TOP1: variants seen among roughly 807,000 people sequenced by gnomAD.
The protein encoded by TOP1 is DNA topoisomerase 1.
In TOP1, 10 loss-of-function variants were observed where a neutral mutation model predicts 111.1. That is an observed-to-expected ratio of 0.09 (90% CI 0.06 to 0.15). TOP1 has a LOEUF of 0.15. Among genes scored for constraint, TOP1 ranks in the 10% least tolerant of loss-of-function variants. TOP1 has a pLI of 1.00. For missense variants in TOP1, 474 were observed against 926.7 expected, an observed-to-expected ratio of 0.51 and a Z score of 6.34; for synonymous variants, 271 against 302.9, an observed-to-expected ratio of 0.89 and a Z score of 1.10.
chr20:41,061,597 T>A lies in TOP1; in HGVS notation c.155+107T>A. 1.0e-6 allele frequency: 1 copy of A among 956,936 alleles called. No individual in the cohort carries two copies. Among genetic ancestry groups the A allele is most frequent in the Non-Finnish European group, 1.6e-6 (1 of 638,276 alleles). The allele number at this position is 956,936 out of a possible 1,614,324, so 59.3% of individuals were successfully genotyped here. On this transcript the variant is annotated intron_variant, in intron 3 of 20. Coordinates refer to ENST00000361337, the MANE Select transcript of TOP1 (RefSeq NM_003286.4). This position sits in a 1 kb window ranked among gnomAD's most constrained non-coding sequence, Gnocchi z 4.6. ...TGAGCTACATGTAAAGATAGCAAAGTAAGTAGAAACTGTATTTGATCCTAG... is the reference window on the plus strand; with the variant it reads ...TGAGCTACATGTAAAGATAGCAAAGAAAGTAGAAACTGTATTTGATCCTAG...
intron 14 of TOP1, 70 bp from the exon 15 acceptor site, chr20:41,113,900 C>T: frequency 1.9e-6 from 1 of 532,236 alleles, no homozygotes; most frequent in African/African-American, 2.4e-5. Flanking sequence ...AAAAAAAAAA[C>T]ACAGAACGAA....
At position 41,116,681 on chromosome 20, in the gene TOP1, G is replaced by A. The variant is rs534557129; in HGVS notation, c.1822+289G>A. On this transcript the variant is annotated intron_variant, in intron 17 of 20. Transcript: ENST00000361337. The surrounding 1 kb of genome is among the most constrained non-coding windows in gnomAD (Gnocchi z 5.6). ...TGTTTTATACATATATTACTTAAAA[G>A]CCCACAGAGTGAAGACAGTGCTGTG... Among the ~76,000 whole-genome samples the A allele has an allele frequency of 3.3e-5, 5 of 152,284 alleles. No homozygotes were observed. The highest frequency in any genetic ancestry group is 2.1e-4 in the South Asian group (1 of 4,818).
Position 41,029,205 on chromosome 20 carries a change from C to A in TOP1, c.33+105C>A. 5.2e-6 allele frequency: 5 copies of A among 970,230 alleles called. No homozygotes were observed. The highest frequency in any genetic ancestry group is 5.6e-6 in the Non-Finnish European group (4 of 715,346). 60.1% of individuals were successfully genotyped at this position (970,230 alleles called of 1,614,324 possible). A position where few individuals can be genotyped will look rare whatever the true frequency, so the allele number is the denominator to read the frequency against. ...CCCCGGCCCGGCAGCTTTGACAGGC[C>A]GGAGCCCCCGGTGAGGGGCCGCCTG... On this transcript the variant is annotated intron_variant, in intron 1 of 20. Transcript: ENST00000361337. This position sits in a 1 kb window ranked among gnomAD's most constrained non-coding sequence, Gnocchi z 6.1.
chr20:41,105,158 C>T (rs938637106), intron 13 of TOP1, among the ~76,000 whole-genome samples: 2 of 152,100 alleles, frequency 1.3e-5, no homozygotes, highest in African/African-American at 4.8e-5. Context: ...TATTCTCATA[C>T]ATATTTTTTG....
At position 41,029,603 on chromosome 20, in the gene TOP1, C is replaced by T; in HGVS notation, c.58+148C>T. On this transcript the variant is annotated intron_variant, in intron 2 of 20. Transcript: ENST00000361337. The surrounding 1 kb of genome is among the most constrained non-coding windows in gnomAD (Gnocchi z 6.1). ...CACCGGCCCCATTGTTCCCATCGGGCCGCCTCTTGACCCCCTTTCCGGGGA... is the reference window on the plus strand; with the variant it reads ...CACCGGCCCCATTGTTCCCATCGGGTCGCCTCTTGACCCCCTTTCCGGGGA... 1.4e-6 allele frequency: 1 copy of T among 710,016 alleles called. No homozygotes were observed. The highest frequency in any genetic ancestry group is 2.9e-5 in the East Asian group (1 of 34,282). The allele number at this position is 710,016 out of a possible 1,614,324, so 44.0% of individuals were successfully genotyped here.
chr20:41,038,772 G>T (rs1381354963), intron 2 of TOP1, among the ~76,000 whole-genome samples: 3 of 152,126 alleles, frequency 2.0e-5, no homozygotes, highest in South Asian at 2.1e-4. Context: ...GATCACTTGA[G>T]CCCAGGAGTT....
chr20:41,103,475 T>G (rs2034096207), intron 13 of TOP1, among the ~76,000 whole-genome samples: 1 of 152,170 alleles, frequency 6.6e-6, no homozygotes, highest in African/African-American at 2.4e-5. Flanking sequence ...ACAGCTTCAC[T>G]TCAGCAAGAT....
At chr20:41,065,244 C>A (rs2145928968) in intron 3 of TOP1, among the ~76,000 whole-genome samples, 1 of 152,206 alleles carries the variant, frequency 6.6e-6, no homozygotes, top group East Asian at 1.9e-4. Flanking sequence ...TAGTATGGTA[C>A]CTGGCAGATA....
intron 3 of TOP1, among the ~76,000 whole-genome samples, chr20:41,068,614 C>G (rs1029054617): frequency 6.6e-6 from 1 of 152,050 alleles, no homozygotes; most frequent in Non-Finnish European, 1.5e-5. Context: ...CTATGTTGCC[C>G]AGGGTGGTCT....
intron 11 of TOP1, 120 bp from the exon 12 acceptor site, chr20:41,099,936 A>T: frequency 1.6e-6 from 1 of 642,682 alleles, no homozygotes; most frequent in Non-Finnish European, 2.5e-6. Flanking sequence ...ATTTGAATTT[A>T]TTTTTTAGTG....
In TOP1 at chr20:41,029,201, A is replaced by G; in HGVS notation, c.33+101A>G. On this transcript the variant is annotated intron_variant, in intron 1 of 20. Transcript: ENST00000361337. The surrounding 1 kb of genome is among the most constrained non-coding windows in gnomAD (Gnocchi z 6.1). ...CCAGCCCCGGCCCGGCAGCTTTGAC[A>G]GGCCGGAGCCCCCGGTGAGGGGCCG... 7.0e-6 allele frequency: 7 copies of G among 994,900 alleles called. No individual in the cohort carries two copies. Among genetic ancestry groups the G allele is most frequent in the Non-Finnish European group, 8.1e-6 (6 of 737,654 alleles). The allele number at this position is 994,900 out of a possible 1,614,324, so 61.6% of individuals were successfully genotyped here. A position where few individuals can be genotyped will look rare whatever the true frequency, so the allele number is the denominator to read the frequency against.
rs2034303806 is a variant in TOP1 at position 41,114,872 on chromosome 20, TC to T, written c.1639-498del. 6.6e-6 allele frequency among the ~76,000 whole-genome samples: 1 copy of T among 152,162 alleles called. No individual in the cohort carries two copies. The highest frequency in any genetic ancestry group is 1.5e-5 in the Non-Finnish European group (1 of 68,036). On this transcript the variant is annotated intron_variant, in intron 15 of 20. Transcript: ENST00000361337. The surrounding 1 kb of genome is among the most constrained non-coding windows in gnomAD (Gnocchi z 4.5). Reference sequence around the variant, plus strand: ...GTCCTCTTCTTATAAAGACACCTCTTCTCATAAGGACACCATAATCAGTAAT... The same window carrying T: ...GTCCTCTTCTTATAAAGACACCTCTTTCATAAGGACACCATAATCAGTAAT...
Position 41,098,584 on chromosome 20 carries a change from G to A in TOP1, c.975+247G>A, listed in dbSNP as rs1382908849. 5.1e-6 allele frequency: 2 copies of A among 389,448 alleles called. No individual in the cohort carries two copies. Among genetic ancestry groups the A allele is most frequent in the Non-Finnish European group, 9.3e-6 (2 of 215,484 alleles). The allele number at this position is 389,448 out of a possible 1,614,324, so 24.1% of individuals were successfully genotyped here. A position where few individuals can be genotyped will look rare whatever the true frequency, so the allele number is the denominator to read the frequency against. On this transcript the variant is annotated intron_variant, in intron 11 of 20. Transcript: ENST00000361337. The surrounding 1 kb of genome is among the most constrained non-coding windows in gnomAD (Gnocchi z 5.7). ...GCTTCAGTGACCTAAAAACCAGTCA[G>A]TAACTCCAGCCAATAATATAGTAAT...
In TOP1 at chr20:41,082,619, T is replaced by C. The variant is rs1338725869; in HGVS notation, c.507+1379T>C. 6.6e-6 allele frequency among the ~76,000 whole-genome samples: 1 copy of C among 152,204 alleles called. No individual in the cohort carries two copies. The highest frequency in any genetic ancestry group is 1.9e-4 in the East Asian group (1 of 5,198). ...CATATGAAGACCATTAGTGAGTGAG[T>C]TGAGCCATAGAGAGATGATCAGGTC... On this transcript the variant is annotated intron_variant, in intron 7 of 20. Transcript: ENST00000361337. This position sits in a 1 kb window ranked among gnomAD's most constrained non-coding sequence, Gnocchi z 4.1.
Position 41,081,326 on chromosome 20 carries a change from T to C in TOP1, c.507+86T>C, listed in dbSNP as rs927415235. 23 of 1,453,870 alleles carry C rather than the reference T, an allele frequency of 1.6e-5. No individual in the cohort carries two copies. The Admixed American group carries it at 6.1e-4, about 39-fold the overall frequency. The allele number at this position is 1,453,870 out of a possible 1,614,324, so 90.1% of individuals were successfully genotyped here. The stretch of plus-strand genomic sequence containing the variant: ...GCAACTTCTTAAGACAAATGAGTTT[T>C]AGATATTTATTGGCTTGTTATAACA... On this transcript the variant is annotated intron_variant, in intron 7 of 20. Transcript: ENST00000361337.
rs183380849 is a variant in TOP1 at position 41,042,318 on chromosome 20, A to G, written c.58+12863A>G. Among the ~76,000 whole-genome samples, 3 of 152,384 alleles carry G rather than the reference A, an allele frequency of 2.0e-5. No homozygotes were observed. The East Asian group carries it at 5.8e-4, about 29-fold the overall frequency. On this transcript the variant is annotated intron_variant, in intron 2 of 20. Transcript: ENST00000361337. ...AGTTTCTACCTTTCAGTGAGCATTT[A>G]CCAAATAGCAGATATAGTTAACTGC...
intron 18 of TOP1, among the ~76,000 whole-genome samples, chr20:41,120,416 T>C (rs933118247): frequency 6.6e-6 from 1 of 152,170 alleles, no homozygotes; most frequent in African/African-American, 2.4e-5. Context: ...GTGTCAGACA[T>C]GTTATTTACT....
chr20:41,100,275 A>T lies in TOP1; in HGVS notation c.1163+32A>T. The stretch of plus-strand genomic sequence containing the variant: ...TCGCACTTCATCCTATGGGCCAAAA[A>T]GGGGGTGGAGGGCGTCCTTTATTGT... On this transcript the variant is annotated intron_variant, in intron 12 of 20. Transcript: ENST00000361337. The surrounding 1 kb of genome is among the most constrained non-coding windows in gnomAD (Gnocchi z 4.4). 1 of 1,568,418 alleles carries T rather than the reference A, an allele frequency of 6.4e-7. No homozygotes were observed. The highest frequency in any genetic ancestry group is 2.2e-5 in the East Asian group (1 of 44,478).
Position 41,079,974 on chromosome 20 carries a change from G to T in TOP1, c.336-111G>T. On this transcript the variant is annotated intron_variant, in intron 5 of 20. Coordinates refer to ENST00000361337, the MANE Select transcript of TOP1 (RefSeq NM_003286.4). This position sits in a 1 kb window ranked among gnomAD's most constrained non-coding sequence, Gnocchi z 4.0. ...CAGAACATCTTCATGATATGTACGT[G>T]GTTATCCTTATTTCTGTTAGCTTCT... The T allele has an allele frequency of 1.4e-6, 1 of 706,130 alleles. No individual in the cohort carries two copies. 43.7% of individuals were successfully genotyped at this position (706,130 alleles called of 1,614,324 possible). A position where few individuals can be genotyped will look rare whatever the true frequency, so the allele number is the denominator to read the frequency against.
Sources: gnomAD v4.1 joint callset for allele counts (sites outside exome capture counted in the v4.1 genomes callset) on GRCh38, gnomAD v4.1.1 for gene constraint, Gnocchi (gnomAD v3.1) non-coding constraint, MANE v1.5 for transcripts, NCBI Gene and HGNC (gene_info 2026-07-23, HGNC 2026-07-21) for gene names.